The following ITGA9 variants were observed in gnomAD, a reference collection of about 807,000 sequenced individuals.
ITGA9 encodes the protein integrin alpha-9.
In ITGA9, 56 loss-of-function variants were observed where a neutral mutation model predicts 127.8. That is an observed-to-expected ratio of 0.44 (90% CI 0.35 to 0.55). ITGA9 has a LOEUF of 0.55. Among genes scored for constraint, ITGA9 ranks in the 20% least tolerant of loss-of-function variants. The pLI is 0.00. For synonymous variants in ITGA9, 508 were observed against 514.5 expected, an observed-to-expected ratio of 0.99 and a Z score of 0.17; for missense variants, 1,196 against 1,347.1, an observed-to-expected ratio of 0.89 and a Z score of 1.76.
At chr3:37,728,517 G>A (rs980441274) in intron 18 of ITGA9, among the ~76,000 whole-genome samples, 4 of 152,206 alleles carry the variant, frequency 2.6e-5, no homozygotes, top group Non-Finnish European at 5.9e-5. Flanking sequence ...TTAAGGTTAT[G>A]CCCTGGGCAT....
At chr3:37,809,577 G>A (rs1470539131) in intron 27 of ITGA9, among the ~76,000 whole-genome samples, 1 of 152,056 alleles carries the variant, frequency 6.6e-6, no homozygotes, top group Non-Finnish European at 1.5e-5. Flanking sequence ...TTGAGGCAGT[G>A]TTGTAATGTG....
At chr3:37,476,851 A>G (rs1377551511) in intron 3 of ITGA9, among the ~76,000 whole-genome samples, 3 of 152,192 alleles carry the variant, frequency 2.0e-5, no homozygotes, top group Non-Finnish European at 4.4e-5. Flanking sequence ...ACCCACTTTC[A>G]TTCTCAGCAT....
At chr3:37,504,154 C>A (rs1327737842) in intron 6 of ITGA9, among the ~76,000 whole-genome samples, 3 of 152,112 alleles carry the variant, frequency 2.0e-5, no homozygotes, top group Non-Finnish European at 2.9e-5. Flanking sequence ...AGTTTTTTGC[C>A]TGGTAGCATA....
chr3:37,623,746 G>A (rs1010894243), intron 15 of ITGA9, among the ~76,000 whole-genome samples: 4 of 151,372 alleles, frequency 2.6e-5, no homozygotes, highest in African/African-American at 4.9e-5. Flanking sequence ...GTGGGAGGAC[G>A]GTTTCAGTAA....
chr3:37,503,409 C>T, intron 6 of ITGA9, 102 bp downstream of exon 6: 1 of 1,310,768 alleles, frequency 7.6e-7, no homozygotes, highest in East Asian at 2.5e-5. Flanking sequence ...AGTTAGTTGG[C>T]TTTGACGCCT....
Position 37,629,244 on chromosome 3 carries a change from G to A in ITGA9, c.1747G>A (p.Glu583Lys). ...GTTTGAAGCAGCCTACAGCCTCAGT[G>A]AGCATGTGACTGGAGAGGAGGAGAG... Reference protein sequence around the residue: ...IVFEAAYSLSEHVTGEEEREL... With the variant: ...IVFEAAYSLSKHVTGEEEREL... Residue 583 changes from glutamate (E) to lysine (K), a missense_variant, in exon 16 of 28, where the codon GAG becomes AAG. By Grantham distance (56) the Glu-to-Lys change is moderately conservative. Transcript: ENST00000264741. This position sits in a 1 kb window ranked among gnomAD's most constrained non-coding sequence, Gnocchi z 4.5. 1 of 1,613,890 alleles carries A rather than the reference G, an allele frequency of 6.2e-7. No individual in the cohort carries two copies. Among genetic ancestry groups the A allele is most frequent in the Non-Finnish European group, 8.5e-7 (1 of 1,179,994 alleles).
intron 16 of ITGA9, among the ~76,000 whole-genome samples, chr3:37,650,078 TG>T (rs1700415639): frequency 6.6e-6 from 1 of 152,180 alleles, no homozygotes; most frequent in African/African-American, 2.4e-5. Flanking sequence ...GCCTGCAAGT[TG>T]ATGTGGCAGT....
intron 1 of ITGA9, among the ~76,000 whole-genome samples, chr3:37,460,644 C>T (rs1398750990): frequency 7.1e-6 from 1 of 140,844 alleles, no homozygotes; most frequent in South Asian, 2.2e-4. Flanking sequence ...GGCTGGAGTG[C>T]AGTGGTGCGA....
At chr3:37,515,180 TACAACCAG>T (rs1237802734) in intron 9 of ITGA9, among the ~76,000 whole-genome samples, 2 of 152,214 alleles carry the variant, frequency 1.3e-5, no homozygotes, top group African/African-American at 4.8e-5. Context: ...AAACTGCATG[TACAACCAG>T]TCCTCAGAAA....
At chr3:37,699,778 G>C (rs1445261919) in intron 18 of ITGA9, among the ~76,000 whole-genome samples, 1 of 152,154 alleles carries the variant, frequency 6.6e-6, no homozygotes, top group Non-Finnish European at 1.5e-5. Context: ...GCCTCCTTCT[G>C]TTCCTTGAAA....
chr3:37,544,069 C>T (rs535196177), intron 15 of ITGA9, among the ~76,000 whole-genome samples: 1 of 152,336 alleles, frequency 6.6e-6, no homozygotes, highest in African/African-American at 2.4e-5. Flanking sequence ...TTTATACCTG[C>T]TGGGGACAGG....
chr3:37,456,525 C>G (rs1410121737), intron 1 of ITGA9, among the ~76,000 whole-genome samples: 1 of 152,222 alleles, frequency 6.6e-6, no homozygotes, highest in Non-Finnish European at 1.5e-5. Flanking sequence ...TTTCACACCC[C>G]ACCCCGTCCC....
chr3:37,462,470 T>C (rs1698325600), intron 1 of ITGA9, among the ~76,000 whole-genome samples: 1 of 152,202 alleles, frequency 6.6e-6, no homozygotes, highest in African/African-American at 2.4e-5. Flanking sequence ...ATAGTTCCCT[T>C]TATGCAGAGC....
intron 14 of ITGA9, among the ~76,000 whole-genome samples, chr3:37,534,943 A>C (rs1198368041): frequency 6.6e-6 from 1 of 152,202 alleles, no homozygotes; most frequent in Admixed American, 6.5e-5. Flanking sequence ...TAGTTCTGGG[A>C]CTCGTGTGTC....
intron 18 of ITGA9, among the ~76,000 whole-genome samples, chr3:37,700,040 G>A (rs1700928963): frequency 6.6e-6 from 1 of 152,220 alleles, no homozygotes; most frequent in African/African-American, 2.4e-5. Flanking sequence ...CTGGAGTGCA[G>A]TGGCATGATC....
Position 37,495,142 on chromosome 3 carries a change from G to A in ITGA9, c.612+574G>A, listed in dbSNP as rs375748584. ...CCACACCTGTATTTTTAGTAGAGAC[G>A]GGGTTTCGCCATGTTGGCCAGGCTG... is the stretch of plus-strand genomic sequence containing the variant. On this transcript the variant is annotated intron_variant, in intron 5 of 27. Transcript: ENST00000264741. Among the ~76,000 whole-genome samples the A allele has an allele frequency of 3.9e-4, 59 of 152,150 alleles. 1 individual carries two copies. The highest frequency in any genetic ancestry group is 1.2e-3 in the African/African-American group (48 of 41,512).
In ITGA9 at chr3:37,508,603, G is replaced by T. The variant is rs1280333201; in HGVS notation, c.873G>T (p.Lys291Asn). Residue 291 changes from lysine to asparagine, a missense_variant, in exon 8 of 28, where the codon AAG becomes AAT. Physicochemically the swap from Lys to Asn is moderately conservative, Grantham distance 94. Coordinates refer to ENST00000264741, the MANE Select transcript of ITGA9 (RefSeq NM_002207.3). ...ACCGAAGATCAGGCACCTTAATTAA[G>T]ATCTTTCAAGCATCAGGTAAAAAGG... ...RADRRSGTLI[K>N]IFQASGKKMG... is the part of the protein sequence containing the mutation. 5 of 1,613,442 alleles carry T rather than the reference G, an allele frequency of 3.1e-6. No homozygotes were observed. The highest frequency in any genetic ancestry group is 1.3e-5 in the African/African-American group (1 of 74,824).
chr3:37,779,077 A>G (rs889458242), intron 24 of ITGA9, among the ~76,000 whole-genome samples: 2 of 152,050 alleles, frequency 1.3e-5, no homozygotes, highest in African/African-American at 4.8e-5. Flanking sequence ...TTTGTAACTT[A>G]AATTTGGGAT....
chr3:37,638,591 G>A (rs1289939061), intron 16 of ITGA9, among the ~76,000 whole-genome samples: 1 of 152,144 alleles, frequency 6.6e-6, no homozygotes, highest in African/African-American at 2.4e-5. Context: ...TTGACACAGA[G>A]CATCTCACCT....
Sources: allele counts gnomAD v4.1 joint callset (sites outside exome capture counted in the v4.1 genomes callset), GRCh38; gene constraint gnomAD v4.1.1; non-coding constraint Gnocchi (gnomAD v3.1); transcripts MANE v1.5; gene names NCBI Gene and HGNC (gene_info 2026-07-23, HGNC 2026-07-21).